OBSL1: variants seen among roughly 807,000 people sequenced by gnomAD.
OBSL1 encodes obscurin like cytoskeletal adaptor 1.
A neutral mutation model predicts 172.0 loss-of-function variants in OBSL1; 160 were observed. The observed-to-expected ratio is 0.93, with a 90% CI of 0.82 to 1.06. OBSL1 has a LOEUF of 1.06. OBSL1 is among the 50% of genes least tolerant of loss of function. The probability of loss-of-function intolerance (pLI) is 0.00; values close to 1 mark genes in which losing one functional copy is unlikely to be tolerated. For synonymous variants in OBSL1, 1,200 were observed against 1,196.3 expected (o/e 1.00, Z -0.06); for missense variants, 2,681 against 2,715.4 (o/e 0.99, Z 0.28).
At chr2:219,563,019 C>T (rs1010727128) in intron 7 of OBSL1, 7 of 470,722 alleles carry the variant, frequency 1.5e-5, no homozygotes, top group Non-Finnish European at 2.6e-5. Flanking sequence ...GTCTCCTCCT[C>T]CAAGATGTTT....
chr2:219,568,118 C>A lies in OBSL1; in HGVS notation c.1219G>T (p.Asp407Tyr). Residue 407 changes from aspartate to tyrosine, a missense_variant, in exon 2 of 21, where the codon GAT becomes TAT. Coordinates refer to ENST00000404537, the MANE Select transcript of OBSL1 (RefSeq NM_015311.3). This position sits in a 1 kb window ranked among gnomAD's most constrained non-coding sequence, Gnocchi z 4.1. ...CGCATCTCGCACAGGTAGATACCAT[C>A]ATCGTCTGCCTTCAGCCTGTGGATG... Reference protein sequence around the residue: ...LIIHRLKADDDGIYLCEMRGR... With the variant: ...LIIHRLKADDYGIYLCEMRGR... 1 of 1,613,834 alleles carries A rather than the reference C, an allele frequency of 6.2e-7. No individual in the cohort carries two copies. The highest frequency in any genetic ancestry group is 8.5e-7 in the Non-Finnish European group (1 of 1,179,890).
chr2:219,551,633 C>T lies in OBSL1; in HGVS notation c.5579G>A (p.Gly1860Asp). Residue 1860 changes from glycine (G) to aspartate (D), a missense_variant, in exon 20 of 21, where the codon GGC (glycine) becomes GAC (aspartate). Physicochemically the swap from Gly to Asp is moderately conservative, Grantham distance 94. Transcript: ENST00000404537. ...PGDKYEMRSH[G>D]PTHSLVIHDV... ...ATGGATGACCAGGCTGTGGGTGGGG[C>T]CGTGGCTGCGCATCTCATACTTATC... The T allele has an allele frequency of 6.2e-7, 1 of 1,611,548 alleles. No individual in the cohort carries two copies. Among genetic ancestry groups the T allele is most frequent in the Non-Finnish European group, 8.5e-7 (1 of 1,179,082 alleles).
chr2:219,548,792 G>A (rs1332819406), downstream of OBSL1, among the ~76,000 whole-genome samples: 2 of 152,170 alleles, frequency 1.3e-5, no homozygotes, highest in Non-Finnish European at 2.9e-5. Flanking sequence ...TTCTGCTGCC[G>A]AGTGTAGAAA....
intron 6 of OBSL1, among the ~76,000 whole-genome samples, chr2:219,564,807 G>A (rs915472903): frequency 6.6e-6 from 1 of 152,168 alleles, no homozygotes. Context: ...CAGGCATGGT[G>A]GCTCATACCT....
Position 219,570,906 on chromosome 2 carries a change from G to C in OBSL1, c.327C>G (p.Pro109=), listed in dbSNP as rs1398099755. 4 of 1,318,472 alleles carry C rather than the reference G, an allele frequency of 3.0e-6. No homozygotes were observed. The highest frequency in any genetic ancestry group is 2.9e-6 in the Non-Finnish European group (3 of 1,042,722). The allele number at this position is 1,318,472 out of a possible 1,614,324, so 81.7% of individuals were successfully genotyped here. ...GCGGGCGCTCGGCGGGCTGCAGCTCGGGGTCGGAGGCCGGCGGCTCCAGCA... is the reference window on the plus strand; with the variant it reads ...GCGGGCGCTCGGCGGGCTGCAGCTCCGGGTCGGAGGCCGGCGGCTCCAGCA... The part of the protein sequence containing the change: ...VTVLEPPASD[P]ELQPAERPLP... Residue 109 remains proline (P), a synonymous_variant, in exon 1 of 21, where the codon CCC becomes CCG. Transcript: ENST00000404537.
chr2:219,561,719 C>T (rs1348853312), intron 8 of OBSL1: 3 of 627,304 alleles, frequency 4.8e-6, no homozygotes, highest in Middle Eastern at 4.2e-4. Context: ...CCAGGTGTCA[C>T]TGTACATTTA....
Position 219,566,883 on chromosome 2 carries a change from A to G in OBSL1, c.2081T>C (p.Leu694Pro). ...CACGCCGGGGCAGCTGAAGCCGACC[A>G]GGGCACCGCTGTCCTGGTGCTTGAC... Reference protein sequence around the residue: ...HAVKHQDSGALVGFSCPGVQD... With the variant: ...HAVKHQDSGAPVGFSCPGVQD... Residue 694 changes from leucine (L) to proline (P), a missense_variant, in exon 5 of 21, where the codon CTG becomes CCG. Leu to Pro is a moderately conservative substitution (Grantham distance 98). Transcript: ENST00000404537. 1 of 1,600,932 alleles carries G rather than the reference A, an allele frequency of 6.2e-7. No homozygotes were observed. The highest frequency in any genetic ancestry group is 1.7e-5 in the Admixed American group (1 of 59,796).
At position 219,554,749 on chromosome 2, in the gene OBSL1, G is replaced by C. The variant is rs774970998; in HGVS notation, c.4610-9C>G. 6.4e-5 allele frequency: 98 copies of C among 1,534,828 alleles called. 1 individual carries two copies. The South Asian group carries it at 1.1e-3, about 18-fold the overall frequency. ...CACCCTCAGCTGCCTCGCTGGCCGG[G>C]GGAGATGGAGAGAGGGAGGATGAGG... On this transcript the variant is annotated splice_polypyrimidine_tract_variant and intron_variant, in intron 14 of 20. Coordinates refer to ENST00000404537, the MANE Select transcript of OBSL1 (RefSeq NM_015311.3).
At chr2:219,552,001 G>A (rs145602976) in intron 19 of OBSL1, 111 bp downstream of exon 19, 4 of 1,164,672 alleles carry the variant, frequency 3.4e-6, no homozygotes, top group Admixed American at 2.0e-5. Flanking sequence ...GAGCCCCTCG[G>A]GGGGAAGGGA....
At chr2:219,555,422 C>T (rs1478461870) in intron 14 of OBSL1, 2 of 154,592 alleles carry the variant, frequency 1.3e-5, no homozygotes, top group Non-Finnish European at 2.8e-5. Context: ...CTCAGCCTCC[C>T]TAGTAACTAC....
intron 20 of OBSL1, chr2:219,551,116 C>T (rs892153544): frequency 1.1e-5 from 16 of 1,400,526 alleles, no homozygotes; most frequent in Non-Finnish European, 1.5e-5. Flanking sequence ...TCTGCCAAGG[C>T]TGACATGGAA....
intron 8 of OBSL1, chr2:219,562,062 G>A (rs1696519149): frequency 7.1e-6 from 5 of 708,892 alleles, no homozygotes; most frequent in South Asian, 4.5e-5. Context: ...AGGACTACCC[G>A]TTTGCGACCC....
rs746067378 is a variant in OBSL1, at chr2:219,558,292, C to T, written c.3394G>A (p.Glu1132Lys). ...AGGGTCAGGGTGCGGGTGGGCCCCT[C>T]GGCACCCAGCTGCAGGGCATCTGAT... ...EASDALQLGAEGPTRTLTLPH... is the reference protein window; with the variant it reads ...EASDALQLGAKGPTRTLTLPH... The change falls in exon 10 of 21, where the codon GAG (glutamate) becomes AAG (lysine). Residue 1132 changes from glutamate (E) to lysine (K), a missense_variant. Transcript: ENST00000404537. The T allele has an allele frequency of 9.1e-5, 147 of 1,611,382 alleles. No homozygotes were observed. The highest frequency in any genetic ancestry group is 1.1e-4 in the Non-Finnish European group (131 of 1,179,080).
chr2:219,562,737 C>G, intron 7 of OBSL1, 63 bp from the exon 8 acceptor site: 1 of 1,480,976 alleles, frequency 6.8e-7, no homozygotes, highest in Non-Finnish European at 9.0e-7. Flanking sequence ...TCCCTGACCC[C>G]GTTGTGTTCC....
chr2:219,560,611 G>T (rs895027146), intron 8 of OBSL1, among the ~76,000 whole-genome samples: 13 of 151,924 alleles, frequency 8.6e-5, no homozygotes, highest in East Asian at 5.8e-4. Flanking sequence ...GGCCAGGGTT[G>T]GGGGGGTGGG....
Position 219,558,446 on chromosome 2 carries a change from C to T in OBSL1, c.3240G>A (p.Arg1080=), listed in dbSNP as rs1256563743. 2.5e-6 allele frequency: 4 copies of T among 1,584,600 alleles called. No individual in the cohort carries two copies. The highest frequency in any genetic ancestry group is 2.6e-6 in the Non-Finnish European group (3 of 1,167,456). ...GGGAGCGGGCTGCCGGGTGCACAAT[C>T]CTCTCTGGTGGGGCTGGTGGGTGGG... is the stretch of plus-strand genomic sequence containing the variant. ...FTVTVTAPPE[R]IVHPAARSLD... is the part of the protein sequence containing the mutation. Residue 1080 remains arginine, a synonymous_variant, in exon 10 of 21, where the codon AGG becomes AGA. Coordinates refer to ENST00000404537, the MANE Select transcript of OBSL1 (RefSeq NM_015311.3).
At position 219,555,499 on chromosome 2, in the gene OBSL1, C is replaced by G. The variant is rs535863761; in HGVS notation, c.4609+521G>C. 92 of 350,862 alleles carry G rather than the reference C, an allele frequency of 2.6e-4. 1 individual carries two copies. The highest frequency in any genetic ancestry group is 1.8e-3 in the African/African-American group (83 of 45,138). 21.7% of individuals were successfully genotyped at this position (350,862 alleles called of 1,614,324 possible). A position where few individuals can be genotyped will look rare whatever the true frequency, so the allele number is the denominator to read the frequency against. On this transcript the variant is annotated intron_variant, in intron 14 of 20. Coordinates refer to ENST00000404537, the MANE Select transcript of OBSL1 (RefSeq NM_015311.3). ...CTTGCTATGTTGCCCAGGATGGCCT[C>G]GAACTCCTGGCCTCAAGGGATCCTC...
chr2:219,567,606 T>C lies in OBSL1; in HGVS notation c.1535-31A>G, dbSNP rs115455375. 3.5e-3 allele frequency: 5,516 copies of C among 1,597,916 alleles called. 147 individuals carry two copies. In the African/African-American group the frequency reaches 0.06, roughly 17 times the overall value. ...ACCAAGGCAGGGATGTGTTCCGGCC[T>C]TGCTTGGGCCTCCACAGCCCTTCCA... On this transcript the variant is annotated intron_variant, in intron 3 of 20. Transcript: ENST00000404537.
rs745703841 is a variant in OBSL1 at position 219,558,448 on chromosome 2, T to C, written c.3238A>G (p.Arg1080Gly). The C allele has an allele frequency of 9.5e-6, 15 of 1,581,836 alleles. No homozygotes were observed. The South Asian group carries it at 1.3e-4, about 13-fold the overall frequency. The change falls in exon 10 of 21, where the codon AGG becomes GGG. Residue 1080 changes from arginine (R) to glycine (G), a missense_variant. Transcript: ENST00000404537. ...GAGCGGGCTGCCGGGTGCACAATCC[T>C]CTCTGGTGGGGCTGGTGGGTGGGCA... ...FTVTVTAPPERIVHPAARSLD... is the reference protein window; with the variant it reads ...FTVTVTAPPEGIVHPAARSLD...
Sources: gnomAD v4.1 joint callset for allele counts (sites outside exome capture counted in the v4.1 genomes callset) on GRCh38, gnomAD v4.1.1 for gene constraint, Gnocchi (gnomAD v3.1) non-coding constraint, MANE v1.5 for transcripts, NCBI Gene and HGNC (gene_info 2026-07-23, HGNC 2026-07-21) for gene names.